Variants in CNRIP1 observed in about 807,000 individuals in gnomAD.
The protein encoded by CNRIP1 is CB1 cannabinoid receptor-interacting protein 1.
Under a neutral mutation model 15.2 loss-of-function variants are expected in CNRIP1, and 10 were observed. That is an observed-to-expected ratio of 0.66 (90% confidence interval 0.41 to 1.12). CNRIP1 has a LOEUF of 1.12. Ranked by LOEUF, CNRIP1 falls within the 50% of genes most tolerant of loss-of-function variation. The pLI, the probability that CNRIP1 is intolerant of heterozygous loss-of-function variation, is 0.00. For missense variants in CNRIP1, 211 were observed against 214.7 expected (o/e 0.98, Z 0.11); for synonymous variants, 91 against 83.2 (o/e 1.09, Z -0.51).
chr2:68,313,722 T>G (rs1018880531), intron 2 of CNRIP1, among the ~76,000 whole-genome samples: 1 of 152,174 alleles, frequency 6.6e-6, no homozygotes, highest in African/African-American at 2.4e-5. Flanking sequence ...GATTATATAG[T>G]AGCATCTACT....
downstream of CNRIP1, among the ~76,000 whole-genome samples, chr2:68,292,517 T>C (rs893478685): frequency 4.6e-5 from 7 of 152,200 alleles, no homozygotes; most frequent in East Asian, 9.6e-4. Context: ...TCCAATACTA[T>C]AGGATTTGTG....
intron 2 of CNRIP1, among the ~76,000 whole-genome samples, chr2:68,297,924 CCTT>C (rs1671440610): frequency 1.3e-5 from 2 of 151,950 alleles, no homozygotes; most frequent in Admixed American, 6.6e-5. Context: ...AAAAATATTA[CCTT>C]CTAAGTAAAG....
At chr2:68,306,778 T>A (rs1273801859) in intron 2 of CNRIP1, among the ~76,000 whole-genome samples, 9 of 139,366 alleles carry the variant, frequency 6.5e-5, no homozygotes, top group South Asian at 4.9e-4. Context: ...AAGACTCCAT[T>A]AAAAAAAAAA....
chr2:68,286,206 A>G (rs1466353490), intron 2 of CNRIP1, among the ~76,000 whole-genome samples: 1 of 152,172 alleles, frequency 6.6e-6, no homozygotes, highest in Admixed American at 6.5e-5. Context: ...TAGGAATCCA[A>G]AATCATTAGC....
At chr2:68,317,121 T>C (rs1307509878) in intron 2 of CNRIP1, 36 bp downstream of exon 2, 7 of 1,613,626 alleles carry the variant, frequency 4.3e-6, no homozygotes, top group Non-Finnish European at 5.9e-6. Flanking sequence ...CCATTTTCCA[T>C]GGCACCATAC....
chr2:68,305,843 T>A (rs1042909236), intron 2 of CNRIP1, among the ~76,000 whole-genome samples: 2 of 141,242 alleles, frequency 1.4e-5, no homozygotes, highest in African/African-American at 2.6e-5. Flanking sequence ...AAAGAAGATA[T>A]TAAGGCTGGG....
chr2:68,305,920 G>A (rs1216366699), intron 2 of CNRIP1, among the ~76,000 whole-genome samples: 2 of 151,580 alleles, frequency 1.3e-5, no homozygotes, highest in East Asian at 3.9e-4. Context: ...CTTGAGGCCA[G>A]GAGTTCAAGA....
chr2:68,285,573 G>A (rs1254036751), intron 2 of CNRIP1, among the ~76,000 whole-genome samples: 1 of 150,922 alleles, frequency 6.6e-6, no homozygotes, highest in Non-Finnish European at 1.5e-5. Flanking sequence ...AGGATCACTT[G>A]AGACTGGGAG....
At chr2:68,302,846 T>TA (rs1491335478) in intron 2 of CNRIP1, among the ~76,000 whole-genome samples, 2 of 108,250 alleles carry the variant, frequency 1.8e-5, no homozygotes, top group Non-Finnish European at 3.4e-5. Context: ...TTTGAAAAAC[T>TA]TTTTTTTTTT....
At chr2:68,297,768 T>C (rs1324684466) in intron 2 of CNRIP1, among the ~76,000 whole-genome samples, 1 of 152,110 alleles carries the variant, frequency 6.6e-6, no homozygotes, top group African/African-American at 2.4e-5. Flanking sequence ...GGCATATCCA[T>C]ATGATAAACT....
intron 2 of CNRIP1, among the ~76,000 whole-genome samples, chr2:68,300,341 G>A (rs181078112): frequency 2.6e-5 from 4 of 152,308 alleles, no homozygotes; most frequent in East Asian, 1.9e-4. Context: ...TCAAGAGGCC[G>A]GGTGCAGTGG....
chr2:68,317,044 A>C, intron 2 of CNRIP1, 113 bp downstream of exon 2: 1 of 1,284,614 alleles, frequency 7.8e-7, no homozygotes, highest in African/African-American at 1.5e-5. Flanking sequence ...CTCAATTTCC[A>C]CAGTAATTGG....
In CNRIP1 at chr2:68,319,651, C is replaced by T; in HGVS notation, c.-251G>A. Reference sequence around the variant, plus strand: ...CCCAAGAGACGGCTCCAAGGCCGCGCGCTTCCCCATCCCCCGCTCCAGTGC... The same window carrying T: ...CCCAAGAGACGGCTCCAAGGCCGCGTGCTTCCCCATCCCCCGCTCCAGTGC... On this transcript the variant is annotated 5_prime_UTR_variant, in exon 1 of 3. Coordinates refer to ENST00000263655, the MANE Select transcript of CNRIP1 (RefSeq NM_015463.3). 1 of 458,650 alleles carries T rather than the reference C, an allele frequency of 2.2e-6. No individual in the cohort carries two copies. Among genetic ancestry groups the T allele is most frequent in the Non-Finnish European group, 3.9e-6 (1 of 258,684 alleles). 28.4% of individuals were successfully genotyped at this position (458,650 alleles called of 1,614,324 possible). A position where few individuals can be genotyped will look rare whatever the true frequency, so the allele number is the denominator to read the frequency against.
chr2:68,293,837 C>T lies in CNRIP1; in HGVS notation c.*25G>A. 6.2e-7 allele frequency: 1 copy of T among 1,610,162 alleles called. No homozygotes were observed. Among genetic ancestry groups the T allele is most frequent in the Non-Finnish European group, 8.5e-7 (1 of 1,177,048 alleles). Reference sequence around the variant, plus strand: ...AAAAGTAGATTTCTGAAAAGATTGTCCAGTAGCATCAGAAAGAGCCACTTT... The same window carrying T: ...AAAAGTAGATTTCTGAAAAGATTGTTCAGTAGCATCAGAAAGAGCCACTTT... On this transcript the variant is annotated 3_prime_UTR_variant, in exon 3 of 3. Transcript: ENST00000263655.
downstream of CNRIP1, among the ~76,000 whole-genome samples, chr2:68,289,062 T>C (rs1362287601): frequency 6.6e-6 from 1 of 152,232 alleles, no homozygotes; most frequent in African/African-American, 2.4e-5. Flanking sequence ...ATTTTTCCTC[T>C]GTAAAATGGA....
chr2:68,311,775 C>CG (rs70949698), intron 2 of CNRIP1, among the ~76,000 whole-genome samples: 15,295 of 92,720 alleles, frequency 0.16, 1,665 homozygotes, highest in Non-Finnish European at 0.19. Flanking sequence ...ACTCCATCTC[C>CG]GGGGAAAAAA....
At chr2:68,318,713 G>T (rs1672372020) in intron 1 of CNRIP1, among the ~76,000 whole-genome samples, 1 of 152,200 alleles carries the variant, frequency 6.6e-6, no homozygotes, top group Non-Finnish European at 1.5e-5. Context: ...CGAAGGGAGT[G>T]GGGAGCATCC....
chr2:68,319,703 G>T lies in CNRIP1; in HGVS notation c.-303C>A, dbSNP rs1012475002. ...GCGCCCTCCACGCACCCGAAGGCTC[G>T]CTCTGGCCCGCAGGCCGCCGCGCAG... On this transcript the variant is annotated 5_prime_UTR_variant, in exon 1 of 3. Transcript: ENST00000263655. 3.8e-5 allele frequency: 13 copies of T among 346,666 alleles called. No individual in the cohort carries two copies. In the East Asian group the frequency reaches 7.1e-4, roughly 19 times the overall value. 21.5% of individuals were successfully genotyped at this position (346,666 alleles called of 1,614,324 possible). A position where few individuals can be genotyped will look rare whatever the true frequency, so the allele number is the denominator to read the frequency against.
At chr2:68,316,811 A>G in intron 2 of CNRIP1, 3 of 533,822 alleles carry the variant, frequency 5.6e-6, no homozygotes, top group Non-Finnish European at 1.0e-5. Flanking sequence ...CTTAACCAGA[A>G]TATTGTGGCC....
Sources: allele counts gnomAD v4.1 joint callset (sites outside exome capture counted in the v4.1 genomes callset), GRCh38; gene constraint gnomAD v4.1.1; transcripts MANE v1.5; gene names NCBI Gene and HGNC (gene_info 2026-07-23, HGNC 2026-07-21).